STK32B: variants seen among roughly 807,000 people sequenced by gnomAD.
The protein encoded by STK32B is serine/threonine-protein kinase 32B.
A neutral mutation model predicts 52.6 loss-of-function variants in STK32B; 43 were observed. That is an observed-to-expected ratio of 0.82 (90% CI 0.64 to 1.05). The LOEUF (loss-of-function observed/expected upper bound fraction) is 1.05. Among genes scored for constraint, STK32B ranks in the 50% least tolerant of loss-of-function variants. STK32B has a pLI of 0.00. For missense variants in STK32B, 621 were observed against 534.6 expected (o/e 1.16, Z -1.59); for synonymous variants, 238 against 204.3 (o/e 1.17, Z -1.41).
intron 3 of STK32B, among the ~76,000 whole-genome samples, chr4:5,327,091 C>T (rs1053197616): frequency 1.3e-5 from 2 of 152,084 alleles, no homozygotes; most frequent in Admixed American, 6.6e-5. Context: ...CTCCTCATCT[C>T]TTAACGTTTT....
Position 5,466,766 on chromosome 4 carries a change from C to T in STK32B, c.973C>T (p.Leu325Phe), listed in dbSNP as rs1416721924. 6.2e-7 allele frequency: 1 copy of T among 1,613,942 alleles called. No homozygotes were observed. The highest frequency in any genetic ancestry group is 8.5e-7 in the Non-Finnish European group (1 of 1,179,988). Reference protein sequence around the residue: ...LEEMILESKPLHKKKKRLAKN... With the variant: ...LEEMILESKPFHKKKKRLAKN... ...AGAGATGATTCTAGAATCCAAGCCA[C>T]TTCACAAAAAGAAGAAGCGATTGGC... Residue 325 changes from leucine (L) to phenylalanine (F), a missense_variant, in exon 10 of 12, where the codon CTT becomes TTT. Leu to Phe is a conservative substitution (Grantham distance 22). Transcript: ENST00000282908.
At chr4:5,250,378 T>C (rs558411125) in intron 3 of STK32B, among the ~76,000 whole-genome samples, 16 of 150,170 alleles carry the variant, frequency 1.1e-4, no homozygotes, top group Non-Finnish European at 1.8e-4. Flanking sequence ...ACTGATGTGA[T>C]CTTGGGTCAC....
chr4:5,498,999 G>T lies in STK32B; in HGVS notation c.1161G>T (p.Gly387=). The change falls in exon 12 of 12, where the codon GGG becomes GGT. Residue 387 remains glycine, a synonymous_variant. Coordinates refer to ENST00000282908, the MANE Select transcript of STK32B (RefSeq NM_018401.3). ...GSQLLDTDSR[G]GGQAQSKLQD... The stretch of plus-strand genomic sequence containing the variant: ...AGCTCTTGGACACCGACAGCCGAGG[G>T]GGAGGCCAGGCCCAAAGCAAGCTCC... 6.2e-7 allele frequency: 1 copy of T among 1,613,772 alleles called. No homozygotes were observed. The highest frequency in any genetic ancestry group is 8.5e-7 in the Non-Finnish European group (1 of 1,179,830).
intron 3 of STK32B, among the ~76,000 whole-genome samples, chr4:5,200,341 T>G (rs1271950420): frequency 2.0e-5 from 3 of 152,254 alleles, no homozygotes; most frequent in African/African-American, 7.2e-5. Flanking sequence ...ATCCTCATTT[T>G]GTTTTCTATA....
chr4:5,216,406 A>G (rs931873649), intron 3 of STK32B, among the ~76,000 whole-genome samples: 2 of 152,240 alleles, frequency 1.3e-5, no homozygotes, highest in African/African-American at 2.4e-5. Context: ...CTTACTGGAC[A>G]TACAAGCAAA....
intron 11 of STK32B, among the ~76,000 whole-genome samples, chr4:5,474,311 T>A (rs1225078715): frequency 6.6e-6 from 1 of 152,094 alleles, no homozygotes; most frequent in Non-Finnish European, 1.5e-5. Flanking sequence ...CTGGGTCAAG[T>A]CTTGGTCTTG....
At chr4:5,255,628 G>C (rs6446344) in intron 3 of STK32B, among the ~76,000 whole-genome samples, 18,739 of 151,678 alleles carry the variant, frequency 0.12, 3,178 homozygotes, top group African/African-American at 0.38. Context: ...TCTAACACAA[G>C]CCATCTGCGT....
At chr4:5,436,478 G>C (rs1714091005) in intron 6 of STK32B, 1 of 459,554 alleles carries the variant, frequency 2.2e-6, no homozygotes, top group South Asian at 9.4e-5. Context: ...TCTTTTAGCA[G>C]GGAATACCAT....
intron 5 of STK32B, among the ~76,000 whole-genome samples, chr4:5,410,866 G>A (rs1711599591): frequency 6.6e-6 from 1 of 152,166 alleles, no homozygotes; most frequent in South Asian, 2.1e-4. Flanking sequence ...GGGCTTGGAA[G>A]TCCAAGATCG....
intron 3 of STK32B, among the ~76,000 whole-genome samples, chr4:5,233,211 C>G (rs922689334): frequency 6.6e-6 from 1 of 152,050 alleles, no homozygotes; most frequent in Non-Finnish European, 1.5e-5. Flanking sequence ...TGGGCAGTAC[C>G]AAGATTTTGA....
chr4:5,043,661 A>G, the STK32B span, among the ~76,000 whole-genome samples: 1 of 152,008 alleles, frequency 6.6e-6, no homozygotes, highest in Non-Finnish European at 1.5e-5. Context: ...TTCCTCTGCT[A>G]CTCCTCGGAG....
At chr4:5,140,440 A>ATT (rs796590971) in intron 2 of STK32B, 47 of 441,028 alleles carry the variant, frequency 1.1e-4, no homozygotes, top group Middle Eastern at 1.1e-3. Context: ...ATACTCAGAA[A>ATT]TTTTTTTTTT....
chr4:5,486,490 T>C lies in STK32B; in HGVS notation c.1107-12455T>C, dbSNP rs1697118837. 1.3e-5 allele frequency among the ~76,000 whole-genome samples: 2 copies of C among 152,214 alleles called. 1 individual carries two copies. Among genetic ancestry groups the C allele is most frequent in the African/African-American group, 4.8e-5 (2 of 41,450 alleles). ...TTCCAGGTGCCATCTGTCACCCCTTTCTTTGACTAGGAAAGGGAATTCCCT... is the reference window on the plus strand; with the variant it reads ...TTCCAGGTGCCATCTGTCACCCCTTCCTTTGACTAGGAAAGGGAATTCCCT... On this transcript the variant is annotated intron_variant, in intron 11 of 11. Transcript: ENST00000282908.
In STK32B at chr4:5,212,303, C is replaced by G. The variant is rs74835878; in HGVS notation, c.260+43853C>G. Among the ~76,000 whole-genome samples, 75 of 152,248 alleles carry G rather than the reference C, an allele frequency of 4.9e-4. 2 individuals carry two copies. Among genetic ancestry groups the G allele is most frequent in the African/African-American group, 1.7e-3 (72 of 41,554 alleles). On this transcript the variant is annotated intron_variant, in intron 3 of 11. Coordinates refer to ENST00000282908, the MANE Select transcript of STK32B (RefSeq NM_018401.3). Reference sequence around the variant, plus strand: ...TGACACAGCTACCAAAAGTCAGAACCAGGATTCAGACCCGAGCAGTCAAGG... The same window carrying G: ...TGACACAGCTACCAAAAGTCAGAACGAGGATTCAGACCCGAGCAGTCAAGG...
intron 1 of STK32B, among the ~76,000 whole-genome samples, chr4:5,132,343 TG>T (rs569461985): frequency 1.1e-3 from 168 of 152,190 alleles, no homozygotes; most frequent in African/African-American, 3.9e-3. Context: ...CAACAAACAC[TG>T]GGTGGAGGGA....
At chr4:5,226,209 G>C (rs1203445288) in intron 3 of STK32B, among the ~76,000 whole-genome samples, 1 of 152,128 alleles carries the variant, frequency 6.6e-6, no homozygotes, top group East Asian at 1.9e-4. Context: ...TTGCTGACTA[G>C]GGCTACAAAA....
intron 3 of STK32B, among the ~76,000 whole-genome samples, chr4:5,321,421 G>C (rs1015985379): frequency 6.6e-6 from 1 of 152,154 alleles, no homozygotes; most frequent in African/African-American, 2.4e-5. Context: ...AAGAAGAGCA[G>C]TTTGGCTTCA....
chr4:5,173,415 T>G (rs1240832155), intron 3 of STK32B, among the ~76,000 whole-genome samples: 1 of 152,170 alleles, frequency 6.6e-6, no homozygotes, highest in Non-Finnish European at 1.5e-5. Context: ...ATTTTGGATC[T>G]TTCCTGCTTT....
chr4:5,425,271 T>C (rs959966710), intron 6 of STK32B, among the ~76,000 whole-genome samples: 5 of 152,216 alleles, frequency 3.3e-5, no homozygotes, highest in Middle Eastern at 6.8e-3. Flanking sequence ...GCCACAGAAA[T>C]TTCTGGTTGG....
Sources: gnomAD v4.1 joint callset for allele counts (sites outside exome capture counted in the v4.1 genomes callset) on GRCh38, gnomAD v4.1.1 for gene constraint, MANE v1.5 for transcripts, NCBI Gene and HGNC (gene_info 2026-07-23, HGNC 2026-07-21) for gene names.